Variants in CD244 observed in about 807,000 individuals in gnomAD.
CD244 encodes the protein CD244 molecule.
In CD244, 20 loss-of-function variants were observed where a neutral mutation model predicts 45.5. The observed-to-expected ratio is 0.44, with a 90% CI of 0.31 to 0.64. The LOEUF (loss-of-function observed/expected upper bound fraction) is 0.64, where lower values mean the gene tolerates loss of function less well. CD244 is among the 30% of genes least tolerant of loss of function. The pLI, the probability that CD244 is intolerant of heterozygous loss-of-function variation, is 0.08. For synonymous variants in CD244, 185 were observed against 160.5 expected, an observed-to-expected ratio of 1.15 and a Z score of -1.15; for missense variants, 407 against 426.9, an observed-to-expected ratio of 0.95 and a Z score of 0.41.
At chr1:160,832,497 T>C (rs768794938) in intron 8 of CD244, 22 bp downstream of exon 8, 3 of 1,496,054 alleles carry the variant, frequency 2.0e-6, no homozygotes, top group Non-Finnish European at 2.8e-6. Flanking sequence ...AGTAAACCCA[T>C]TGAGGAGTTC....
chr1:160,861,906 A>G (rs1286234428), intron 1 of CD244, among the ~76,000 whole-genome samples: 1 of 152,294 alleles, frequency 6.6e-6, no homozygotes, highest in East Asian at 1.9e-4. Context: ...TAAATGCGGG[A>G]TCCAGGTTTC....
rs147688271 is a variant in CD244, at chr1:160,834,103, G to A, written c.908C>T (p.Thr303Met). The A allele has an allele frequency of 3.2e-5, 51 of 1,607,598 alleles. No individual in the cohort carries two copies. In the Middle Eastern group the frequency reaches 4.9e-4, roughly 16 times the overall value. ...SMIQSQSSAP[T>M]SQEPAYTLYS... ...TAATGTATATGCAGGTTCTTGTGAC[G>A]TGGGAGCAGAAGACTAATGAGAAGA... The change falls in exon 7 of 9, where the codon ACG (threonine) becomes ATG (methionine). Residue 303 changes from threonine (T) to methionine (M), a missense_variant. Thr to Met is a moderately conservative substitution (Grantham distance 81). Transcript: ENST00000368034.
At chr1:160,840,407 G>C (rs907398632) in intron 3 of CD244, among the ~76,000 whole-genome samples, 1 of 152,082 alleles carries the variant, frequency 6.6e-6, no homozygotes, top group South Asian at 2.1e-4. Context: ...GATTACAGGT[G>C]CCCGCCAACA....
intron 1 of CD244, among the ~76,000 whole-genome samples, chr1:160,842,822 G>T (rs548799845): frequency 6.6e-6 from 1 of 152,310 alleles, no homozygotes; most frequent in Admixed American, 6.5e-5. Flanking sequence ...TAATGAATAT[G>T]GGGGTGTGAC....
intron 6 of CD244, among the ~76,000 whole-genome samples, chr1:160,834,656 TCTAA>T (rs2101860450): frequency 6.6e-6 from 1 of 152,318 alleles, no homozygotes; most frequent in Non-Finnish European, 1.5e-5. Flanking sequence ...TGGCCTCTTC[TCTAA>T]CTCTTTTAAC....
At position 160,862,854 on chromosome 1, in the gene CD244, C is replaced by T; in HGVS notation, c.-177G>A. 1.9e-6 allele frequency: 1 copy of T among 522,062 alleles called. No homozygotes were observed. The highest frequency in any genetic ancestry group is 3.4e-6 in the Non-Finnish European group (1 of 294,856). 32.3% of individuals were successfully genotyped at this position (522,062 alleles called of 1,614,324 possible). On this transcript the variant is annotated 5_prime_UTR_variant, in exon 1 of 9. Transcript: ENST00000368034. ...TAACGCCTGCTGTGAGCTGACAAGGCCACTGAGAAAGCCCCAGCGCCTGGA... is the reference window on the plus strand; with the variant it reads ...TAACGCCTGCTGTGAGCTGACAAGGTCACTGAGAAAGCCCCAGCGCCTGGA...
Position 160,831,432 on chromosome 1 carries a change from A to G in CD244, c.1018-5T>C, listed in dbSNP as rs369574626. ...TTTAGGTTGACTCTTTCCAATCTGC[A>G]AAAGAAAAGGAGAAACTTCAGACCC... On this transcript the variant is annotated splice_region_variant and splice_polypyrimidine_tract_variant and intron_variant, in intron 8 of 8. Coordinates refer to ENST00000368034, the MANE Select transcript of CD244 (RefSeq NM_016382.4). 5 of 1,611,130 alleles carry G rather than the reference A, an allele frequency of 3.1e-6. No homozygotes were observed. The African/African-American group carries it at 6.7e-5, about 22-fold the overall frequency.
At chr1:160,840,349 C>T (rs1669492892) in intron 3 of CD244, among the ~76,000 whole-genome samples, 1 of 152,110 alleles carries the variant, frequency 6.6e-6, no homozygotes, top group Non-Finnish European at 1.5e-5. Context: ...GCAACCTCCG[C>T]CTCCTGGGTT....
Position 160,831,272 on chromosome 1 carries a change from C to T in CD244, c.*75G>A, listed in dbSNP as rs762054726. On this transcript the variant is annotated 3_prime_UTR_variant, in exon 9 of 9. Transcript: ENST00000368034. ...GACTAGGAACTGTTCTATAGAGACT[C>T]CTGTGCCGTCATCCACTGTGCCAAT... 1.9e-6 allele frequency: 2 copies of T among 1,035,374 alleles called. No homozygotes were observed. Among genetic ancestry groups the T allele is most frequent in the Admixed American group, 1.7e-5 (1 of 57,852 alleles). The allele number at this position is 1,035,374 out of a possible 1,614,324, so 64.1% of individuals were successfully genotyped here.
intron 1 of CD244, among the ~76,000 whole-genome samples, chr1:160,853,775 C>A (rs1214440053): frequency 1.9e-5 from 2 of 104,586 alleles, no homozygotes; most frequent in African/African-American, 3.6e-5. Context: ...CAGAGCAAGA[C>A]CCTGCCTAAA....
At chr1:160,850,073 G>A (rs1210821689) in intron 1 of CD244, among the ~76,000 whole-genome samples, 1 of 152,044 alleles carries the variant, frequency 6.6e-6, no homozygotes, top group African/African-American at 2.4e-5. Context: ...GTGTATATAG[G>A]AAACCAAGAG....
At chr1:160,839,165 G>A in intron 3 of CD244, 116 bp from the exon 4 acceptor site, 2 of 678,322 alleles carry the variant, frequency 2.9e-6, no homozygotes, top group Non-Finnish European at 5.1e-6. Flanking sequence ...GTGGCTGATT[G>A]CCTCGTGCTC....
At chr1:160,835,785 A>G (rs1669311814) in intron 6 of CD244, among the ~76,000 whole-genome samples, 1 of 152,262 alleles carries the variant, frequency 6.6e-6, no homozygotes, top group East Asian at 1.9e-4. Flanking sequence ...CTAAGTCATA[A>G]TAAAATAAAA....
At chr1:160,837,911 C>T (rs1182518242) in intron 5 of CD244, among the ~76,000 whole-genome samples, 2 of 152,214 alleles carry the variant, frequency 1.3e-5, no homozygotes, top group East Asian at 3.9e-4. Context: ...AGGCGAGAGG[C>T]TCCTGGAGGA....
rs1669327799 is a variant in CD244 at position 160,836,239 on chromosome 1, A to G, written c.850T>C (p.Phe284Leu). Residue 284 changes from phenylalanine (F) to leucine (L), a missense_variant, in exon 6 of 9, where the codon TTT (phenylalanine) becomes CTT (leucine). By Grantham distance (22) the Phe-to-Leu change is conservative. Coordinates refer to ENST00000368034, the MANE Select transcript of CD244 (RefSeq NM_016382.4). ...TAGATGGTGCTCCCCCCTCCAGGAAAAGTCTGCTCCTGCTCCTGCACAAGA... is the reference window on the plus strand; with the variant it reads ...TAGATGGTGCTCCCCCCTCCAGGAAGAGTCTGCTCCTGCTCCTGCACAAGA... ...TRRNHEQEQT[F>L]PGGGSTIYSM... 3.1e-6 allele frequency: 5 copies of G among 1,613,870 alleles called. No homozygotes were observed. The highest frequency in any genetic ancestry group is 2.2e-5 in the South Asian group (2 of 91,052).
intron 8 of CD244, among the ~76,000 whole-genome samples, chr1:160,832,268 C>T (rs1315241871): frequency 6.6e-6 from 1 of 152,150 alleles, no homozygotes; most frequent in Non-Finnish European, 1.5e-5. Flanking sequence ...TCGGGGACGG[C>T]CCTAATTTAA....
At chr1:160,838,783 A>C in intron 4 of CD244, 156 bp downstream of exon 4, 1 of 623,616 alleles carries the variant, frequency 1.6e-6, no homozygotes, top group Non-Finnish European at 2.8e-6. Context: ...GAGCCTAGCA[A>C]CCTGCTTGCC....
At chr1:160,835,970 C>T (rs370464359) in intron 6 of CD244, among the ~76,000 whole-genome samples, 5 of 152,154 alleles carry the variant, frequency 3.3e-5, no homozygotes, top group East Asian at 1.9e-4. Flanking sequence ...CTGCCAGACA[C>T]GGAAGAAGAA....
At chr1:160,862,594 C>T (rs1211377193) in intron 1 of CD244, 23 bp downstream of exon 1, 4 of 1,610,728 alleles carry the variant, frequency 2.5e-6, no homozygotes, top group African/African-American at 1.3e-5. Flanking sequence ...TCCCTCGCCC[C>T]ACGCCAGGTA....
Sources: gnomAD v4.1 joint callset for allele counts (sites outside exome capture counted in the v4.1 genomes callset) on GRCh38, gnomAD v4.1.1 for gene constraint, MANE v1.5 for transcripts, NCBI Gene and HGNC (gene_info 2026-07-23, HGNC 2026-07-21) for gene names.